The following EYS variants were observed in gnomAD, a reference collection of about 807,000 sequenced individuals.
EYS encodes protein eyes shut homolog.
EYS carries 250 observed loss-of-function variants against 282.1 expected under a neutral mutation model. The ratio of observed to expected loss-of-function variants is 0.89; its 90% CI spans 0.80 to 0.98. The LOEUF (loss-of-function observed/expected upper bound fraction) is 0.98, where lower values mean the gene tolerates loss of function less well. Ranked by LOEUF, EYS falls within the 50% of genes least tolerant of loss-of-function variation. The probability of loss-of-function intolerance (pLI) is 0.00; values close to 1 mark genes in which losing one functional copy is unlikely to be tolerated. For synonymous variants in EYS, 1,355 were observed against 1,282.9 expected, an observed-to-expected ratio of 1.06 and a Z score of -1.20; for missense variants, 4,016 against 3,709.0, an observed-to-expected ratio of 1.08 and a Z score of -2.15.
intron 2 of EYS, among the ~76,000 whole-genome samples, chr6:65,623,515 T>G (rs1056673326): frequency 6.6e-6 from 1 of 152,204 alleles, no homozygotes; most frequent in South Asian, 2.1e-4. Flanking sequence ...GATAAATAAT[T>G]TTTATGAATT....
At chr6:65,224,405 G>A (rs907419953) in intron 12 of EYS, among the ~76,000 whole-genome samples, 34 of 151,864 alleles carry the variant, frequency 2.2e-4, no homozygotes, top group Admixed American at 1.2e-3. Flanking sequence ...TACAGACTGC[G>A]GTAAAGGAGT....
Position 63,720,513 on chromosome 6 carries a change from TC to T in EYS, c.*82del. 1 of 985,010 alleles carries T rather than the reference TC, an allele frequency of 1.0e-6. No homozygotes were observed. The highest frequency in any genetic ancestry group is 3.3e-4 in the Middle Eastern group (1 of 3,046). 61.0% of individuals were successfully genotyped at this position (985,010 alleles called of 1,614,324 possible). ...TCAGGTAATATAGTAAACAGTTGAT[TC>T]CCCGTAAGCAATGTATCAAAGAAAT... On this transcript the variant is annotated 3_prime_UTR_variant, in exon 43 of 43. Coordinates refer to ENST00000503581, the MANE Select transcript of EYS (RefSeq NM_001142800.2).
chr6:64,024,472 C>A (rs1401494522), intron 33 of EYS, among the ~76,000 whole-genome samples: 1 of 152,104 alleles, frequency 6.6e-6, no homozygotes, highest in Non-Finnish European at 1.5e-5. Flanking sequence ...TACCAATCAG[C>A]AGGATGTGGG....
intron 19 of EYS, among the ~76,000 whole-genome samples, chr6:64,844,288 C>T (rs1765654926): frequency 6.6e-6 from 1 of 150,574 alleles, no homozygotes. Flanking sequence ...TCAAAATAGC[C>T]TTTCTCACCC....
intron 14 of EYS, among the ~76,000 whole-genome samples, chr6:64,996,897 A>G (rs759796109): frequency 3.9e-5 from 6 of 152,218 alleles, no homozygotes; most frequent in Non-Finnish European, 8.8e-5. Context: ...GTAACAAACT[A>G]TAAGCCTGGA....
intron 29 of EYS, among the ~76,000 whole-genome samples, chr6:64,332,502 G>A (rs922644979): frequency 3.3e-5 from 5 of 152,136 alleles, no homozygotes; most frequent in African/African-American, 1.2e-4. Context: ...TTGTGATCTT[G>A]TCTACCTCAC....
chr6:65,157,155 T>A (rs1233923632), intron 12 of EYS, among the ~76,000 whole-genome samples: 3 of 151,030 alleles, frequency 2.0e-5, no homozygotes, highest in Non-Finnish European at 4.5e-5. Context: ...ACCTATTCTA[T>A]TGAAATATTT....
chr6:64,468,889 T>A (rs929029265), intron 26 of EYS, among the ~76,000 whole-genome samples: 2 of 152,238 alleles, frequency 1.3e-5, no homozygotes, highest in Admixed American at 1.3e-4. Flanking sequence ...ATGCTTTCTT[T>A]ATCCAGTCTG....
chr6:64,658,516 G>A (rs549972477), intron 22 of EYS, among the ~76,000 whole-genome samples: 96 of 152,232 alleles, frequency 6.3e-4, no homozygotes, highest in African/African-American at 2.2e-3. Context: ...TGATGGTGAC[G>A]TACAGATGGG....
chr6:65,173,735 C>T (rs969585301), intron 12 of EYS, among the ~76,000 whole-genome samples: 2 of 150,920 alleles, frequency 1.3e-5, no homozygotes, highest in Admixed American at 6.6e-5. Context: ...TCCTATGATA[C>T]AATATATGAA....
At chr6:63,988,354 C>T (rs1258616089) in intron 34 of EYS, among the ~76,000 whole-genome samples, 1 of 151,548 alleles carries the variant, frequency 6.6e-6, no homozygotes, top group Non-Finnish European at 1.5e-5. Context: ...GAATACCCTC[C>T]TTTTCTGTCA....
In EYS at chr6:63,953,868, T is replaced by G. The variant is rs1765703001; in HGVS notation, c.7055+30515A>C. Reference sequence around the variant, plus strand: ...CCTTTCTGTCCAAACAACTTGGCCTTACTGTTTTAGCGTAGCCCTCATGTC... The same window carrying G: ...CCTTTCTGTCCAAACAACTTGGCCTGACTGTTTTAGCGTAGCCCTCATGTC... On this transcript the variant is annotated intron_variant, in intron 35 of 42. Coordinates refer to ENST00000503581, the MANE Select transcript of EYS (RefSeq NM_001142800.2). Among the ~76,000 whole-genome samples, 3 of 152,210 alleles carry G rather than the reference T, an allele frequency of 2.0e-5. No individual in the cohort carries two copies. In the South Asian group the frequency reaches 6.2e-4, roughly 32 times the overall value.
At chr6:64,531,540 C>T (rs138387526) in intron 26 of EYS, among the ~76,000 whole-genome samples, 65 of 109,646 alleles carry the variant, frequency 5.9e-4, no homozygotes, top group African/African-American at 1.8e-3. Flanking sequence ...GTGCCCGCCA[C>T]CACGCCTGGT....
At chr6:64,785,112 A>G (rs1268363819) in intron 22 of EYS, among the ~76,000 whole-genome samples, 1 of 152,182 alleles carries the variant, frequency 6.6e-6, no homozygotes, top group Non-Finnish European at 1.5e-5. Context: ...AAATAAAAAT[A>G]AATCCTGAAC....
intron 5 of EYS, among the ~76,000 whole-genome samples, chr6:65,429,971 T>C (rs969257245): frequency 3.9e-5 from 6 of 152,184 alleles, no homozygotes; most frequent in Non-Finnish European, 8.8e-5. Flanking sequence ...ATCCTCATAA[T>C]AACCTATCAG....
intron 26 of EYS, among the ~76,000 whole-genome samples, chr6:64,451,072 G>GT (rs562698724): frequency 6.6e-6 from 1 of 152,010 alleles, no homozygotes; most frequent in Non-Finnish European, 1.5e-5. Context: ...CCAGGAGCTG[G>GT]TTTTTTTGAA....
chr6:64,108,933 C>T (rs1312081642), intron 31 of EYS, among the ~76,000 whole-genome samples: 1 of 152,004 alleles, frequency 6.6e-6, no homozygotes, highest in African/African-American at 2.4e-5. Context: ...TCTATGGTTA[C>T]CCCCTTTTAC....
intron 33 of EYS, among the ~76,000 whole-genome samples, chr6:64,017,634 T>A (rs1316310789): frequency 6.6e-6 from 1 of 152,184 alleles, no homozygotes; most frequent in Non-Finnish European, 1.5e-5. Flanking sequence ...AACAGGCCAG[T>A]GGAACTGTTT....
chr6:65,500,441 A>G (rs1173257034), intron 2 of EYS, among the ~76,000 whole-genome samples: 3 of 152,020 alleles, frequency 2.0e-5, no homozygotes, highest in Non-Finnish European at 4.4e-5. Context: ...TCATTATCAT[A>G]ATGGTGGTAA....
Sources: gnomAD v4.1 joint callset for allele counts (sites outside exome capture counted in the v4.1 genomes callset) on GRCh38, gnomAD v4.1.1 for gene constraint, MANE v1.5 for transcripts, NCBI Gene and HGNC (gene_info 2026-07-23, HGNC 2026-07-21) for gene names.